ANK2: variants seen among roughly 807,000 people sequenced by gnomAD.
The protein encoded by ANK2 is ankyrin 2, also known as ankyrin-2.
A neutral mutation model predicts 360.5 loss-of-function variants in ANK2; 83 were observed. The ratio of observed to expected loss-of-function variants is 0.23; its 90% CI spans 0.19 to 0.28. The LOEUF (loss-of-function observed/expected upper bound fraction) is 0.28, where lower values mean the gene tolerates loss of function less well. Ranked by LOEUF, ANK2 falls within the 10% of genes least tolerant of loss-of-function variation. The probability of loss-of-function intolerance (pLI) is 1.00; values close to 1 mark genes in which losing one functional copy is unlikely to be tolerated. For missense variants in ANK2, 4,201 were observed against 4,795.7 expected (o/e 0.88, Z 3.66); for synonymous variants, 1,740 against 1,759.5 (o/e 0.99, Z 0.28).
intron 2 of ANK2, among the ~76,000 whole-genome samples, chr4:113,030,117 A>G (rs2060086888): frequency 6.6e-6 from 1 of 152,152 alleles, no homozygotes; most frequent in Admixed American, 6.6e-5. Flanking sequence ...AGGAGTGTAT[A>G]GAAGGGTAAT....
chr4:113,082,052 G>T (rs774840534), intron 1 of ANK2, among the ~76,000 whole-genome samples: 1 of 151,988 alleles, frequency 6.6e-6, no homozygotes, highest in Non-Finnish European at 1.5e-5. Flanking sequence ...CAGGTGATCC[G>T]CCCGTCTCGG....
intron 2 of ANK2, among the ~76,000 whole-genome samples, chr4:112,995,533 T>C (rs1291799468): frequency 6.6e-6 from 1 of 152,200 alleles, no homozygotes; most frequent in East Asian, 1.9e-4. Flanking sequence ...TTTTCTCCCA[T>C]TCTGTAGGTT....
intron 22 of ANK2, among the ~76,000 whole-genome samples, chr4:113,297,896 A>G (rs1397451186): frequency 1.3e-5 from 2 of 151,876 alleles, no homozygotes; most frequent in African/African-American, 4.8e-5. Context: ...TAGCTTCCAG[A>G]GTAACAGGGA....
chr4:112,914,674 C>A (rs1319090208), intron 2 of ANK2, among the ~76,000 whole-genome samples: 2 of 152,124 alleles, frequency 1.3e-5, no homozygotes, highest in Non-Finnish European at 2.9e-5. Context: ...GCTTACTTTT[C>A]TTTCTGTGAT....
intron 2 of ANK2, among the ~76,000 whole-genome samples, chr4:113,182,283 T>C (rs866495424): frequency 6.6e-6 from 1 of 152,162 alleles, no homozygotes; most frequent in African/African-American, 2.4e-5. Context: ...CAGGTCAGTT[T>C]TGAACATGTT....
the ANK2 span, chr4:112,706,584 G>A: frequency 6.6e-6 from 1 of 152,318 alleles, no homozygotes; most frequent in Admixed American, 6.6e-5. Flanking sequence ...ACCGTTAGAA[G>A]AAACCAGGGT....
At chr4:113,347,640 C>T (rs991896322) in intron 35 of ANK2, among the ~76,000 whole-genome samples, 1 of 151,998 alleles carries the variant, frequency 6.6e-6, no homozygotes, top group Non-Finnish European at 1.5e-5. Context: ...AGAAAAAAAT[C>T]CCAGACATTG....
intron 1 of ANK2, among the ~76,000 whole-genome samples, chr4:112,833,343 T>C (rs920063334): frequency 6.6e-6 from 1 of 152,184 alleles, no homozygotes; most frequent in Non-Finnish European, 1.5e-5. Context: ...AGATATCTGA[T>C]TTTAGAGATG....
At chr4:112,963,357 T>C (rs187242047) in intron 2 of ANK2, among the ~76,000 whole-genome samples, 3 of 152,320 alleles carry the variant, frequency 2.0e-5, no homozygotes, top group African/African-American at 7.2e-5. Context: ...ATCTGTTTCA[T>C]GCATCTATTA....
intron 18 of ANK2, among the ~76,000 whole-genome samples, chr4:113,286,220 TAAGA>T (rs1182618164): frequency 5.9e-5 from 9 of 152,228 alleles, no homozygotes; most frequent in Non-Finnish European, 1.3e-4. Context: ...AGGAGAAAAT[TAAGA>T]AAGAATCTTG....
intron 1 of ANK2, among the ~76,000 whole-genome samples, chr4:113,113,418 A>T (rs983887030): frequency 6.6e-6 from 1 of 152,000 alleles, no homozygotes; most frequent in Non-Finnish European, 1.5e-5. Flanking sequence ...TCTGCAGAGG[A>T]TTTTCTTTGG....
intron 2 of ANK2, among the ~76,000 whole-genome samples, chr4:113,179,292 A>G (rs1410376253): frequency 6.6e-6 from 1 of 152,162 alleles, no homozygotes; most frequent in Non-Finnish European, 1.5e-5. Context: ...GACTTTCTGT[A>G]CTCTGTTGCA....
chr4:113,112,389 G>A (rs1410146905), intron 1 of ANK2, among the ~76,000 whole-genome samples: 1 of 152,178 alleles, frequency 6.6e-6, no homozygotes, highest in African/African-American at 2.4e-5. Flanking sequence ...TTGGGAATGA[G>A]TGATTGAGGC....
intron 5 of ANK2, among the ~76,000 whole-genome samples, chr4:113,232,892 T>G (rs2099327579): frequency 6.6e-6 from 1 of 152,110 alleles, no homozygotes; most frequent in Non-Finnish European, 1.5e-5. Context: ...TCCATTTTCT[T>G]TGTATTTTCC....
At chr4:113,072,984 G>GTTTGTT (rs2078318533) in intron 1 of ANK2, among the ~76,000 whole-genome samples, 1 of 113,356 alleles carries the variant, frequency 8.8e-6, no homozygotes, top group African/African-American at 3.5e-5. Context: ...TTTTTTGAGG[G>GTTTGTT]GAGGTCTTGC....
chr4:112,839,509 T>C (rs1331863235), intron 1 of ANK2, among the ~76,000 whole-genome samples: 1 of 152,224 alleles, frequency 6.6e-6, no homozygotes, highest in African/African-American at 2.4e-5. Flanking sequence ...GAGTAGATGA[T>C]ACCAAATATT....
intron 2 of ANK2, among the ~76,000 whole-genome samples, chr4:113,023,465 TCTA>T (rs1450109214): frequency 6.6e-6 from 1 of 152,114 alleles, no homozygotes; most frequent in Admixed American, 6.5e-5. Context: ...TGCAGAGAGG[TCTA>T]CTCTGCCTGG....
intron 2 of ANK2, among the ~76,000 whole-genome samples, chr4:112,953,891 AGTTG>A (rs2095187507): frequency 6.6e-6 from 1 of 152,160 alleles, no homozygotes; most frequent in African/African-American, 2.4e-5. Flanking sequence ...TTTTTTAGGC[AGTTG>A]AAGTCACATA....
chr4:112,796,642 G>A, the ANK2 span, among the ~76,000 whole-genome samples: 1 of 148,018 alleles, frequency 6.8e-6, no homozygotes, highest in South Asian at 2.2e-4. Context: ...GAGCCACCAT[G>A]TCTGGCCACC....
Sources: allele counts gnomAD v4.1 joint callset (sites outside exome capture counted in the v4.1 genomes callset), GRCh38; gene constraint gnomAD v4.1.1; transcripts MANE v1.5; gene names NCBI Gene and HGNC (gene_info 2026-07-23, HGNC 2026-07-21).